Variants in AAK1 observed in about 807,000 individuals in gnomAD.
AAK1 encodes AP2 associated kinase 1.
AAK1 carries 37 observed loss-of-function variants against 116.0 expected under a neutral mutation model. The ratio of observed to expected loss-of-function variants is 0.32; its 90% confidence interval spans 0.25 to 0.42. AAK1 has a LOEUF of 0.42. Ranked by LOEUF, AAK1 falls within the 10% of genes least tolerant of loss-of-function variation. AAK1 has a pLI of 1.00. For missense variants in AAK1, 919 were observed against 1,170.6 expected (o/e 0.79, Z 3.14); for synonymous variants, 458 against 439.9 (o/e 1.04, Z -0.51).
At chr2:69,605,124 C>T (rs57411668) in intron 2 of AAK1, among the ~76,000 whole-genome samples, 17,627 of 152,124 alleles carry the variant, frequency 0.12, 2,319 homozygotes, top group African/African-American at 0.3. Flanking sequence ...TCAGCCCAGT[C>T]CTTGTGTCAC....
chr2:69,524,945 G>C, intron 10 of AAK1, 88 bp downstream of exon 10: 1 of 1,282,506 alleles, frequency 7.8e-7, no homozygotes, highest in Non-Finnish European at 1.1e-6. Flanking sequence ...GGTCATGACA[G>C]CATACATAAG....
At chr2:69,481,526 G>A (rs566432472) in intron 18 of AAK1, 4 of 152,594 alleles carry the variant, frequency 2.6e-5, no homozygotes, top group African/African-American at 4.8e-5. Flanking sequence ...TTTGCACCAC[G>A]TGACACCCCT....
chr2:69,509,362 G>C lies in AAK1; in HGVS notation c.1875C>G (p.Pro625=). The C allele has an allele frequency of 6.2e-7, 1 of 1,614,022 alleles. No homozygotes were observed. The highest frequency in any genetic ancestry group is 8.5e-7 in the Non-Finnish European group (1 of 1,179,892). ...KVGSLTPPSS[P]KTQRAGHRRI... is the part of the protein sequence containing the mutation. ...GCCTGTGCCCAGCACGTTGGGTTTTGGGGGATGAGGGTGGAGTGAGAGATC... is the reference window on the plus strand; with the variant it reads ...GCCTGTGCCCAGCACGTTGGGTTTTCGGGGATGAGGGTGGAGTGAGAGATC... The change falls in exon 14 of 22, where the codon CCC becomes CCG. Residue 625 remains proline, a synonymous_variant. Transcript: ENST00000409085.
At chr2:69,512,707 C>G (rs1230892962) in intron 13 of AAK1, among the ~76,000 whole-genome samples, 1 of 152,254 alleles carries the variant, frequency 6.6e-6, no homozygotes, top group Non-Finnish European at 1.5e-5. Context: ...TGTTTCCTCT[C>G]TGTCCCCAAA....
rs1401768370 is a variant in AAK1, at chr2:69,566,875, C to T, written c.164-9897G>A. 3.9e-5 allele frequency among the ~76,000 whole-genome samples: 6 copies of T among 152,234 alleles called. No homozygotes were observed. In the East Asian group the frequency reaches 1.2e-3, roughly 29 times the overall value. ...GGCTAACCAAGAAAGGGCCTTTCCA[C>T]AAGCTACCCGCCCCCACCTTTGCCG... is the stretch of plus-strand genomic sequence containing the variant. On this transcript the variant is annotated intron_variant, in intron 2 of 21. Transcript: ENST00000409085.
Position 69,466,541 on chromosome 2 carries a change from C to A in AAK1, c.*9328G>T, listed in dbSNP as rs1309968019. ...TTATTACAGGACAGGGATTGGACTC[C>A]CTCTGGAGATCTAGAAAAGCATAAA... On this transcript the variant is annotated 3_prime_UTR_variant, in exon 22 of 22. Transcript: ENST00000409085. 8 of 1,187,824 alleles carry A rather than the reference C, an allele frequency of 6.7e-6. No individual in the cohort carries two copies. In the Admixed American group the frequency reaches 2.2e-4, roughly 32 times the overall value. The allele number at this position is 1,187,824 out of a possible 1,614,324, so 73.6% of individuals were successfully genotyped here.
At position 69,464,042 on chromosome 2, in the gene AAK1, A is replaced by G. The variant is rs1338953287; in HGVS notation, c.*11827T>C. The G allele has an allele frequency of 1.3e-5, 2 of 152,678 alleles. No individual in the cohort carries two copies. Among genetic ancestry groups the G allele is most frequent in the Non-Finnish European group, 2.9e-5 (2 of 68,046 alleles). The allele number at this position is 152,678 out of a possible 1,614,324, so 9.5% of individuals were successfully genotyped here. A position where few individuals can be genotyped will look rare whatever the true frequency, so the allele number is the denominator to read the frequency against. On this transcript the variant is annotated 3_prime_UTR_variant, in exon 22 of 22. Transcript: ENST00000409085. ...GAAATAAAAGACAATTTTAAAAAAC[A>G]TCAGTTAACCTGTCTGGCCTATTTC...
intron 2 of AAK1, among the ~76,000 whole-genome samples, chr2:69,634,463 C>A (rs897872679): frequency 1.3e-5 from 2 of 152,178 alleles, no homozygotes; most frequent in African/African-American, 2.4e-5. Context: ...GCTTGTCCTG[C>A]CAGTGAAAGA....
chr2:69,553,731 C>T (rs898951663), intron 3 of AAK1, among the ~76,000 whole-genome samples: 3 of 151,042 alleles, frequency 2.0e-5, no homozygotes, highest in East Asian at 2.0e-4. Context: ...CATGAGCCAC[C>T]GTGCCCGGCC....
At position 69,643,624 on chromosome 2, in the gene AAK1, C is replaced by T; in HGVS notation, c.-284G>A. 1 of 1,228,688 alleles carries T rather than the reference C, an allele frequency of 8.1e-7. No homozygotes were observed. The highest frequency in any genetic ancestry group is 1.0e-6 in the Non-Finnish European group (1 of 986,084). 76.1% of individuals were successfully genotyped at this position (1,228,688 alleles called of 1,614,324 possible). On this transcript the variant is annotated 5_prime_UTR_variant, in exon 1 of 22. Coordinates refer to ENST00000409085, the MANE Select transcript of AAK1 (RefSeq NM_014911.5). ...CCTGCTACCAGCCCCGCGACATTGT[C>T]ACGGCCGCCGGGCCGGCCTGCGACG...
intron 2 of AAK1, among the ~76,000 whole-genome samples, chr2:69,617,801 C>A (rs1328230032): frequency 6.6e-6 from 1 of 152,138 alleles, no homozygotes; most frequent in Non-Finnish European, 1.5e-5. Context: ...TAGAAGAGGC[C>A]ACATTTAATG....
At chr2:69,493,580 C>T (rs1675625407) in intron 17 of AAK1, among the ~76,000 whole-genome samples, 1 of 152,280 alleles carries the variant, frequency 6.6e-6, no homozygotes, top group East Asian at 1.9e-4. Flanking sequence ...TCTGTAAATA[C>T]TCACTAAGTG....
chr2:69,534,320 C>T (rs1670374690), intron 5 of AAK1, among the ~76,000 whole-genome samples: 2 of 152,162 alleles, frequency 1.3e-5, no homozygotes, highest in South Asian at 4.1e-4. Flanking sequence ...CTACAGGAAG[C>T]AGGTTAGAAG....
At chr2:69,530,208 G>A in intron 7 of AAK1, 68 bp from the exon 8 acceptor site, 1 of 1,470,150 alleles carries the variant, frequency 6.8e-7, no homozygotes, top group Non-Finnish European at 9.1e-7. Context: ...GATCTAATGA[G>A]AAACTGGCAC....
intron 16 of AAK1, among the ~76,000 whole-genome samples, chr2:69,500,692 T>TACACACACAC (rs1344927946): frequency 1.8e-5 from 2 of 113,474 alleles, no homozygotes; most frequent in African/African-American, 8.1e-5. Context: ...TATATATATA[T>TACACACACAC]ATATATACAC....
At chr2:69,612,698 G>A (rs932063336) in intron 2 of AAK1, among the ~76,000 whole-genome samples, 1 of 152,196 alleles carries the variant, frequency 6.6e-6, no homozygotes, top group Non-Finnish European at 1.5e-5. Flanking sequence ...GGAAGTCTCA[G>A]TGTTGTCTAA....
Position 69,469,577 on chromosome 2 carries a change from A to T in AAK1, c.*6292T>A, listed in dbSNP as rs946487795. 2 of 985,410 alleles carry T rather than the reference A, an allele frequency of 2.0e-6. No homozygotes were observed. Among genetic ancestry groups the T allele is most frequent in the African/African-American group, 3.5e-5 (2 of 57,346 alleles). The allele number at this position is 985,410 out of a possible 1,614,324, so 61.0% of individuals were successfully genotyped here. A position where few individuals can be genotyped will look rare whatever the true frequency, so the allele number is the denominator to read the frequency against. ...CCCAGTTCCTTTGGTAACCAATGGC[A>T]CGTCATAGCAGATACCCTGTGGCCA... On this transcript the variant is annotated 3_prime_UTR_variant, in exon 22 of 22. Coordinates refer to ENST00000409085, the MANE Select transcript of AAK1 (RefSeq NM_014911.5).
intron 2 of AAK1, among the ~76,000 whole-genome samples, chr2:69,615,876 A>C (rs942869561): frequency 1.3e-4 from 20 of 152,202 alleles, no homozygotes; most frequent in Non-Finnish European, 2.4e-4. Flanking sequence ...GGGGCTTAAA[A>C]TGTGTTTGTG....
At chr2:69,642,047 CAA>C (rs1559027112) in intron 2 of AAK1, among the ~76,000 whole-genome samples, 1 of 152,128 alleles carries the variant, frequency 6.6e-6, no homozygotes, top group Non-Finnish European at 1.5e-5. Context: ...AAGAGACATG[CAA>C]AGATTTCCCG....
Sources: allele counts gnomAD v4.1 joint callset (sites outside exome capture counted in the v4.1 genomes callset), GRCh38; gene constraint gnomAD v4.1.1; transcripts MANE v1.5; gene names NCBI Gene and HGNC (gene_info 2026-07-23, HGNC 2026-07-21).